Variants in SIK2 observed in about 807,000 individuals in gnomAD.
The protein encoded by SIK2 is salt inducible kinase 2.
In SIK2, 29 loss-of-function variants were observed where a neutral mutation model predicts 103.2. The ratio of observed to expected loss-of-function variants is 0.28; its 90% CI spans 0.21 to 0.38. The LOEUF (loss-of-function observed/expected upper bound fraction) is 0.38, where lower values mean the gene tolerates loss of function less well. Among genes scored for constraint, SIK2 ranks in the 10% least tolerant of loss-of-function variants. The probability of loss-of-function intolerance (pLI) is 1.00; values close to 1 mark genes in which losing one functional copy is unlikely to be tolerated. For missense variants in SIK2, 879 were observed against 1,171.0 expected (o/e 0.75, Z 3.64); for synonymous variants, 412 against 446.1 (o/e 0.92, Z 0.96).
At chr11:111,646,684 A>G (rs1271808177) in intron 3 of SIK2, among the ~76,000 whole-genome samples, 1 of 152,184 alleles carries the variant, frequency 6.6e-6, no homozygotes, top group Non-Finnish European at 1.5e-5. Context: ...TGTATATTCT[A>G]GAATTTAATA....
At chr11:111,704,681 T>C (rs1943299686) in intron 7 of SIK2, among the ~76,000 whole-genome samples, 1 of 152,168 alleles carries the variant, frequency 6.6e-6, no homozygotes, top group Non-Finnish European at 1.5e-5. Context: ...TATGGCAGCA[T>C]TGGGGAATGT....
chr11:111,643,185 C>T (rs1942207705), intron 3 of SIK2, among the ~76,000 whole-genome samples: 1 of 152,160 alleles, frequency 6.6e-6, no homozygotes, highest in Admixed American at 6.5e-5. Context: ...ATATCCTCAA[C>T]CCCTAGTAAA....
chr11:111,688,128 C>T lies in SIK2; in HGVS notation c.444C>T (p.Leu148=), dbSNP rs533424816. Residue 148 remains leucine (L), a synonymous_variant, in exon 4 of 15, where the codon CTC becomes CTT. Transcript: ENST00000304987. This position sits in a 1 kb window ranked among gnomAD's most constrained non-coding sequence, Gnocchi z 4.2. ...ACCGTGACCTCAAAGCTGAAAATCT[C>T]CTGCTGGATAACAACATGAATATCA... ...IVHRDLKAEN[L]LLDNNMNIKI... The T allele has an allele frequency of 1.4e-5, 23 of 1,614,064 alleles. No individual in the cohort carries two copies. The East Asian group carries it at 4.5e-4, about 31-fold the overall frequency.
intron 3 of SIK2, among the ~76,000 whole-genome samples, chr11:111,633,464 C>T (rs770570296): frequency 1.1e-4 from 17 of 152,026 alleles, no homozygotes; most frequent in Non-Finnish European, 1.8e-4. Flanking sequence ...CCTTATTTAC[C>T]GAGTGAAGCC....
chr11:111,667,969 AT>A lies in SIK2; in HGVS notation c.317-20024del, dbSNP rs930889665. ...AATTTTTAGAATATAGAAAATGTAG[AT>A]TTTTTTTCTTTATTCTATTCAGCAA... On this transcript the variant is annotated intron_variant, in intron 3 of 14. Transcript: ENST00000304987. 1.4e-4 allele frequency among the ~76,000 whole-genome samples: 21 copies of A among 152,180 alleles called. No homozygotes were observed. The East Asian group carries it at 3.9e-3, about 28-fold the overall frequency.
chr11:111,708,006 C>A (rs1444532835), intron 8 of SIK2, among the ~76,000 whole-genome samples: 1 of 152,154 alleles, frequency 6.6e-6, no homozygotes, highest in Admixed American at 6.5e-5. Flanking sequence ...ACTGACATGC[C>A]AGGCACAGTC....
At chr11:111,644,115 A>G (rs1390174535) in intron 3 of SIK2, among the ~76,000 whole-genome samples, 1 of 151,332 alleles carries the variant, frequency 6.6e-6, no homozygotes, top group East Asian at 2.0e-4. Context: ...GTGAAACCCC[A>G]TCTCTACTAA....
rs1458364012 is a variant in SIK2 at position 111,723,947 on chromosome 11, T to G, written c.2599T>G (p.Tyr867Asp). Residue 867 changes from tyrosine to aspartate, a missense_variant, in exon 15 of 15, where the codon TAT becomes GAT. Tyr to Asp is a radical substitution (Grantham distance 160, BLOSUM62 -3). This residue lies in a region of SIK2 where 375 missense variants were observed against 416.3 expected (regional missense o/e 0.90). Transcript: ENST00000304987. ...PAPDYPTPCQYPVDGAQQSDL... is the reference protein window; with the variant it reads ...PAPDYPTPCQDPVDGAQQSDL... ...GCCAGACTATCCCACTCCCTGTCAGTATCCTGTGGATGGAGCCCAGCAGAG... is the reference window on the plus strand; with the variant it reads ...GCCAGACTATCCCACTCCCTGTCAGGATCCTGTGGATGGAGCCCAGCAGAG... The G allele has an allele frequency of 1.2e-6, 2 of 1,614,106 alleles. No individual in the cohort carries two copies. Among genetic ancestry groups the G allele is most frequent in the South Asian group, 2.2e-5 (2 of 91,076 alleles).
At chr11:111,616,124 G>A (rs1591588457) in intron 1 of SIK2, 119 bp from the exon 2 acceptor site, 1 of 630,786 alleles carries the variant, frequency 1.6e-6, no homozygotes, top group South Asian at 2.0e-5. Context: ...AATTTAAACT[G>A]CTATCATCAG....
chr11:111,602,644 CA>C lies in SIK2; in HGVS notation c.83del (p.Lys28ArgfsTer7). 6.5e-7 allele frequency: 1 copy of C among 1,533,202 alleles called. No individual in the cohort carries two copies. The highest frequency in any genetic ancestry group is 2.7e-5 in the East Asian group (1 of 37,674). 95.0% of individuals were successfully genotyped at this position (1,533,202 alleles called of 1,614,324 possible). A position where few individuals can be genotyped will look rare whatever the true frequency, so the allele number is the denominator to read the frequency against. The part of the protein sequence containing the change: ...GFYDIEGTLG[K>X]GNFAVVKLGR... Reference sequence around the variant, plus strand: ...TCTACGACATCGAGGGCACGCTGGGCAAGGGCAACTTCGCTGTGGTGAAGCT... The same window carrying C: ...TCTACGACATCGAGGGCACGCTGGGCAGGGCAACTTCGCTGTGGTGAAGCT... On this transcript the variant is annotated frameshift_variant, in exon 1 of 15. Coordinates refer to ENST00000304987, the MANE Select transcript of SIK2 (RefSeq NM_015191.3). LOFTEE classifies it high-confidence loss of function. The surrounding 1 kb of genome is among the most constrained non-coding windows in gnomAD (Gnocchi z 4.5).
In SIK2 at chr11:111,727,114, CCGGTGACA is replaced by C. The variant is rs1292033173; in HGVS notation, c.*2987_*2994del. 5 of 1,478,316 alleles carry C rather than the reference CCGGTGACA, an allele frequency of 3.4e-6. No individual in the cohort carries two copies. The highest frequency in any genetic ancestry group is 4.7e-6 in the Non-Finnish European group (5 of 1,059,422). The allele number at this position is 1,478,316 out of a possible 1,614,324, so 91.6% of individuals were successfully genotyped here. Reference sequence around the variant, plus strand: ...GAAGAGGGGGCCCACTTTCACATTCCCGGTGACACTGACCGTCCCCAGCTGCCCCCTCG... The same window carrying C: ...GAAGAGGGGGCCCACTTTCACATTCCCTGACCGTCCCCAGCTGCCCCCTCG... On this transcript the variant is annotated 3_prime_UTR_variant, in exon 15 of 15. Transcript: ENST00000304987.
In SIK2 at chr11:111,661,200, G is replaced by A. The variant is rs1330010378; in HGVS notation, c.317-26801G>A. Among the ~76,000 whole-genome samples, 3 of 152,242 alleles carry A rather than the reference G, an allele frequency of 2.0e-5. No individual in the cohort carries two copies. The East Asian group carries it at 5.8e-4, about 29-fold the overall frequency. ...AATAAGACTATTTATGCATCACAAG[G>A]AATATACTGCACTAGGTTAGAAGCC... On this transcript the variant is annotated intron_variant, in intron 3 of 14. Transcript: ENST00000304987.
Position 111,701,668 on chromosome 11 carries a change from G to A in SIK2, c.727+93G>A. The A allele has an allele frequency of 6.7e-7, 1 of 1,481,606 alleles. No homozygotes were observed. Among genetic ancestry groups the A allele is most frequent in the Admixed American group, 2.0e-5 (1 of 49,914 alleles). 91.8% of individuals were successfully genotyped at this position (1,481,606 alleles called of 1,614,324 possible). On this transcript the variant is annotated intron_variant, in intron 6 of 14. Coordinates refer to ENST00000304987, the MANE Select transcript of SIK2 (RefSeq NM_015191.3). This position sits in a 1 kb window ranked among gnomAD's most constrained non-coding sequence, Gnocchi z 4.2. ...AAAGCTTCTTTTTTTCTAAGAGTTT[G>A]GGTGCCAAATAAAGTGACTGAGCTG...
chr11:111,687,236 G>A (rs577721705), intron 3 of SIK2, among the ~76,000 whole-genome samples: 2 of 152,152 alleles, frequency 1.3e-5, no homozygotes, highest in South Asian at 2.1e-4. Flanking sequence ...ATTTCTTCAG[G>A]CTGGGCACGG....
chr11:111,723,383 C>T (rs1344121825), intron 14 of SIK2, 113 bp from the exon 15 acceptor site: 2 of 1,188,444 alleles, frequency 1.7e-6, no homozygotes, highest in Non-Finnish European at 2.4e-6. Context: ...TTTTTGCTGA[C>T]ATGAGAGAGA....
intron 3 of SIK2, among the ~76,000 whole-genome samples, chr11:111,634,767 C>T (rs1000065784): frequency 2.0e-5 from 3 of 152,298 alleles, no homozygotes; most frequent in Admixed American, 1.3e-4. Context: ...TGATCTGCCC[C>T]GTCTTCCTTT....
chr11:111,709,612 G>A (rs1289559952), intron 8 of SIK2, among the ~76,000 whole-genome samples: 1 of 152,026 alleles, frequency 6.6e-6, no homozygotes, highest in Non-Finnish European at 1.5e-5. Context: ...TGCTTCCTTG[G>A]GATATTGACC....
chr11:111,636,156 TTAAAA>T (rs1228220753), intron 3 of SIK2, among the ~76,000 whole-genome samples: 3 of 152,236 alleles, frequency 2.0e-5, no homozygotes, highest in African/African-American at 7.2e-5. Flanking sequence ...GATTTCCTAC[TTAAAA>T]TAAAATGGGA....
chr11:111,720,854 C>A, intron 11 of SIK2, 45 bp from the exon 12 acceptor site: 2 of 1,600,888 alleles, frequency 1.2e-6, no homozygotes, highest in Non-Finnish European at 1.7e-6. Context: ...CACTGAAAGG[C>A]CTTGTATTTT....
Sources: gnomAD v4.1 joint callset for allele counts (sites outside exome capture counted in the v4.1 genomes callset) on GRCh38, gnomAD v4.1.1 for gene constraint, gnomAD v4.1.1 regional missense constraint, Gnocchi (gnomAD v3.1) non-coding constraint, MANE v1.5 for transcripts, NCBI Gene and HGNC (gene_info 2026-07-23, HGNC 2026-07-21) for gene names.